The following DGLUCY variants were observed in gnomAD, a reference collection of about 807,000 sequenced individuals.
The protein encoded by DGLUCY is D-glutamate cyclase.
A neutral mutation model predicts 58.5 loss-of-function variants in DGLUCY; 58 were observed. That is an observed-to-expected ratio of 0.99 (90% CI 0.80 to 1.23). DGLUCY has a LOEUF of 1.23. DGLUCY is among the 50% of genes most tolerant of loss of function. DGLUCY has a pLI of 0.00. For missense variants in DGLUCY, 779 were observed against 784.7 expected (o/e 0.99, Z 0.09); for synonymous variants, 325 against 314.1 (o/e 1.03, Z -0.37).
At chr14:91,117,725 C>A (rs540730238) in intron 1 of DGLUCY, among the ~76,000 whole-genome samples, 1 of 151,962 alleles carries the variant, frequency 6.6e-6, no homozygotes, top group East Asian at 1.9e-4. Flanking sequence ...TATTCTGAGG[C>A]AAACATGAGG....
chr14:91,062,563 A>G (rs2043736295), intron 1 of DGLUCY, among the ~76,000 whole-genome samples: 1 of 3,698 alleles, frequency 2.7e-4, no homozygotes, highest in Non-Finnish European at 7.2e-4. Context: ...AAAAAAATAT[A>G]TATATATATA....
intron 6 of DGLUCY, 112 bp from the exon 7 acceptor site, chr14:91,175,822 A>G: frequency 7.9e-7 from 1 of 1,271,272 alleles, no homozygotes; most frequent in Non-Finnish European, 1.1e-6. Context: ...TACCATTTAC[A>G]ATAATCCTGC....
At chr14:91,150,218 C>CAAAAAAAAAAA (rs71120121) in intron 1 of DGLUCY, among the ~76,000 whole-genome samples, 1 of 64,728 alleles carries the variant, frequency 1.5e-5, no homozygotes, top group Non-Finnish European at 2.8e-5. Flanking sequence ...GACTCCATCT[C>CAAAAAAAAAAA]AAAAAAAAAA....
intron 13 of DGLUCY, among the ~76,000 whole-genome samples, chr14:91,219,529 G>A (rs1887115056): frequency 6.6e-6 from 1 of 152,242 alleles, no homozygotes; most frequent in African/African-American, 2.4e-5. Flanking sequence ...TTGATTGGTT[G>A]GGGCAGAGAA....
intron 9 of DGLUCY, among the ~76,000 whole-genome samples, chr14:91,189,390 C>T (rs2049725993): frequency 6.6e-6 from 1 of 152,190 alleles, no homozygotes; most frequent in African/African-American, 2.4e-5. Flanking sequence ...AACTTGGGTC[C>T]ACCAGGCTCC....
At chr14:91,173,931 G>A (rs932751659) in intron 6 of DGLUCY, among the ~76,000 whole-genome samples, 3 of 151,690 alleles carry the variant, frequency 2.0e-5, no homozygotes, top group Non-Finnish European at 4.4e-5. Context: ...TAAAATTCTT[G>A]GAACCTCCAA....
At chr14:91,175,786 C>A in intron 6 of DGLUCY, 148 bp from the exon 7 acceptor site, 1 of 859,118 alleles carries the variant, frequency 1.2e-6, no homozygotes, top group Non-Finnish European at 1.8e-6. Context: ...GCCTTAATCC[C>A]TATTCTCCTT....
intron 2 of DGLUCY, among the ~76,000 whole-genome samples, chr14:91,158,692 A>G (rs1317956037): frequency 1.3e-5 from 2 of 152,132 alleles, no homozygotes; most frequent in Non-Finnish European, 2.9e-5. Flanking sequence ...TCATCCAACA[A>G]ACACTTACTG....
intron 3 of DGLUCY, among the ~76,000 whole-genome samples, chr14:91,166,025 G>A (rs2048263910): frequency 2.0e-5 from 3 of 152,206 alleles, no homozygotes; most frequent in African/African-American, 7.2e-5. Flanking sequence ...ATTGTTGAAT[G>A]CAACAATATG....
intron 1 of DGLUCY, among the ~76,000 whole-genome samples, chr14:91,137,135 GT>G (rs776031714): frequency 2.2e-3 from 319 of 142,696 alleles, no homozygotes; most frequent in Middle Eastern, 7.3e-3. Flanking sequence ...GTCTGTTCAG[GT>G]TTTTTTTTTT....
chr14:91,216,114 G>A, intron 13 of DGLUCY: 2 of 219,846 alleles, frequency 9.1e-6, no homozygotes, highest in South Asian at 1.4e-4. Flanking sequence ...GGGGGGAGCA[G>A]GGGCTTGGGA....
At chr14:91,105,251 G>A (rs966827453), upstream of DGLUCY, among the ~76,000 whole-genome samples, 1 of 151,998 alleles carries the variant, frequency 6.6e-6, no homozygotes, top group Admixed American at 6.6e-5. Context: ...GGAGGTGAAC[G>A]TTGCAGTGAG....
intron 1 of DGLUCY, among the ~76,000 whole-genome samples, chr14:91,143,117 A>C (rs1345986302): frequency 6.7e-5 from 10 of 148,852 alleles, no homozygotes; most frequent in Non-Finnish European, 1.5e-5. Flanking sequence ...TTTTTTTGAG[A>C]CGGAGTCTTG....
At chr14:91,206,348 T>C (rs1884702179) in intron 12 of DGLUCY, among the ~76,000 whole-genome samples, 1 of 152,006 alleles carries the variant, frequency 6.6e-6, no homozygotes, top group Admixed American at 6.6e-5. Flanking sequence ...CGACACATCT[T>C]ACCACCATCA....
At chr14:91,085,209 A>G (rs1379776363) in intron 1 of DGLUCY, among the ~76,000 whole-genome samples, 1 of 149,482 alleles carries the variant, frequency 6.7e-6, no homozygotes, top group African/African-American at 2.5e-5. Context: ...GTGACAGAGC[A>G]AAACCCTGTC....
upstream of DGLUCY, among the ~76,000 whole-genome samples, chr14:91,110,075 C>T (rs2044667225): frequency 6.6e-6 from 1 of 152,244 alleles, no homozygotes; most frequent in South Asian, 2.1e-4. Flanking sequence ...GGCCTCATTT[C>T]AGCTAAGCAA....
chr14:91,108,316 C>G (rs2044625968), intron 1 of DGLUCY, among the ~76,000 whole-genome samples: 1 of 151,964 alleles, frequency 6.6e-6, no homozygotes, highest in African/African-American at 2.4e-5. Context: ...AAAAAATTAG[C>G]ACTCATATTG....
At chr14:91,205,039 G>T (rs769297054) in intron 12 of DGLUCY, among the ~76,000 whole-genome samples, 6 of 152,156 alleles carry the variant, frequency 3.9e-5, no homozygotes, top group Non-Finnish European at 5.9e-5. Flanking sequence ...TGGGGTTATA[G>T]CTGCAATGAC....
upstream of DGLUCY, among the ~76,000 whole-genome samples, chr14:91,113,162 T>C (rs550069987): frequency 1.8e-4 from 28 of 152,068 alleles, no homozygotes; most frequent in African/African-American, 5.1e-4. Flanking sequence ...TAGCTGGGCG[T>C]GGTGGCGCAC....
Sources: gnomAD v4.1 joint callset for allele counts (sites outside exome capture counted in the v4.1 genomes callset) on GRCh38, gnomAD v4.1.1 for gene constraint, MANE v1.5 for transcripts, NCBI Gene and HGNC (gene_info 2026-07-23, HGNC 2026-07-21) for gene names.